Variants in SNTB2 observed in about 807,000 individuals in gnomAD.
The protein encoded by SNTB2 is syntrophin beta 2.
A neutral mutation model predicts 46.2 loss-of-function variants in SNTB2; 34 were observed. The observed-to-expected ratio is 0.74, with a 90% confidence interval of 0.56 to 0.98. The LOEUF is 0.98. SNTB2 is among the 50% of genes least tolerant of loss of function. SNTB2 has a pLI of 0.00. For missense variants in SNTB2, 603 were observed against 731.4 expected, an observed-to-expected ratio of 0.82 and a Z score of 2.02; for synonymous variants, 290 against 312.6, an observed-to-expected ratio of 0.93 and a Z score of 0.76.
intron 1 of SNTB2, among the ~76,000 whole-genome samples, chr16:69,216,171 T>C (rs989400008): frequency 3.3e-5 from 5 of 152,326 alleles, no homozygotes; most frequent in Admixed American, 2.0e-4. Context: ...ATTTTGTTAA[T>C]TCATTCAGTA....
chr16:69,268,563 T>A (rs567073885), intron 3 of SNTB2, among the ~76,000 whole-genome samples: 3 of 152,248 alleles, frequency 2.0e-5, no homozygotes, highest in African/African-American at 4.8e-5. Context: ...ATACAATTTT[T>A]AAAAAATACA....
chr16:69,235,694 C>T, intron 1 of SNTB2: 10 of 1,272,088 alleles, frequency 7.9e-6, no homozygotes, highest in Non-Finnish European at 1.0e-5. Flanking sequence ...CTTCAAACTG[C>T]TGTATCCCCA....
At chr16:69,297,758 A>G (rs913867930) in intron 5 of SNTB2, among the ~76,000 whole-genome samples, 1 of 151,766 alleles carries the variant, frequency 6.6e-6, no homozygotes. Context: ...CTAAAAATGC[A>G]AAAAAATTAG....
chr16:69,259,920 C>G (rs1567409201), intron 2 of SNTB2, 130 bp from the exon 3 acceptor site: 2 of 782,252 alleles, frequency 2.6e-6, no homozygotes, highest in East Asian at 4.9e-5. Context: ...AAGAAAGTAT[C>G]TTTATTTGAG....
chr16:69,288,664 A>G lies in SNTB2; in HGVS notation c.1345+4420A>G, dbSNP rs542111146. Among the ~76,000 whole-genome samples the G allele has an allele frequency of 7.2e-5, 11 of 152,342 alleles. No homozygotes were observed. The South Asian group carries it at 1.9e-3, about 26-fold the overall frequency. ...AAAAAGCTAAAAATAGAACTACTGT[A>G]TGATCTAGCAATCCTACTATTGAGT... On this transcript the variant is annotated intron_variant, in intron 5 of 6. Coordinates refer to ENST00000336278, the MANE Select transcript of SNTB2 (RefSeq NM_006750.4).
intron 1 of SNTB2, among the ~76,000 whole-genome samples, chr16:69,216,689 C>G (rs182135251): frequency 6.6e-6 from 1 of 151,712 alleles, no homozygotes; most frequent in African/African-American, 2.4e-5. Flanking sequence ...CCCTGCCCCC[C>G]CCCCAAAAAA....
intron 1 of SNTB2, among the ~76,000 whole-genome samples, chr16:69,190,527 C>G (rs1010932331): frequency 6.6e-6 from 1 of 152,114 alleles, no homozygotes; most frequent in Admixed American, 6.6e-5. Flanking sequence ...TAAATAAGTA[C>G]AGCAGAGGGC....
chr16:69,266,797 A>G (rs781523046), intron 3 of SNTB2, among the ~76,000 whole-genome samples: 17 of 152,070 alleles, frequency 1.1e-4, no homozygotes, highest in Middle Eastern at 3.2e-3. Context: ...GCTCACTGCA[A>G]CTTCCACCTT....
At chr16:69,250,041 G>A (rs1964710743) in intron 2 of SNTB2, among the ~76,000 whole-genome samples, 1 of 152,100 alleles carries the variant, frequency 6.6e-6, no homozygotes, top group Admixed American at 6.5e-5. Flanking sequence ...GGAGGTTGCA[G>A]TGAGCTGAGA....
chr16:69,235,906 T>C lies in SNTB2; in HGVS notation c.581-9696T>C, dbSNP rs555436416. On this transcript the variant is annotated intron_variant, in intron 1 of 6. Transcript: ENST00000336278. The stretch of plus-strand genomic sequence containing the variant: ...TGTGTGGATGCAGTCCCATTAGATA[T>C]ATATAGAATTACTGGTTTATCTGTG... 7 of 1,226,468 alleles carry C rather than the reference T, an allele frequency of 5.7e-6. No homozygotes were observed. In the African/African-American group the frequency reaches 9.4e-5, roughly 16 times the overall value. 76.0% of individuals were successfully genotyped at this position (1,226,468 alleles called of 1,614,324 possible).
chr16:69,225,494 A>G (rs1329001244), intron 1 of SNTB2, among the ~76,000 whole-genome samples: 1 of 152,218 alleles, frequency 6.6e-6, no homozygotes, highest in Non-Finnish European at 1.5e-5. Context: ...TAGTGGAAAA[A>G]CATTAGTAAG....
In SNTB2 at chr16:69,187,181, G is replaced by T; in HGVS notation, c.15G>T (p.Ala5=). 3 of 1,375,126 alleles carry T rather than the reference G, an allele frequency of 2.2e-6. No individual in the cohort carries two copies. Among genetic ancestry groups the T allele is most frequent in the Non-Finnish European group, 2.8e-6 (3 of 1,061,900 alleles). The allele number at this position is 1,375,126 out of a possible 1,614,324, so 85.2% of individuals were successfully genotyped here. MRVA[A]ATAAAGAGPA... is the part of the protein sequence containing the mutation. ...GCCTGACTGGAATGAGGGTAGCTGC[G>T]GCGACTGCGGCGGCTGGAGCGGGGC... The change falls in exon 1 of 7, where the codon GCG becomes GCT. Residue 5 remains alanine, a synonymous_variant. Coordinates refer to ENST00000336278, the MANE Select transcript of SNTB2 (RefSeq NM_006750.4).
intron 4 of SNTB2, among the ~76,000 whole-genome samples, chr16:69,281,512 T>A (rs1409998655): frequency 2.0e-5 from 3 of 151,530 alleles, no homozygotes; most frequent in African/African-American, 2.4e-5. Context: ...TTTTTTTTTT[T>A]ACATATGGAT....
chr16:69,251,432 T>C (rs553667883), intron 2 of SNTB2, among the ~76,000 whole-genome samples: 1 of 143,244 alleles, frequency 7.0e-6, no homozygotes, highest in Non-Finnish European at 1.5e-5. Flanking sequence ...GGTAAATTTG[T>C]AGGAGTGGAA....
intron 1 of SNTB2, among the ~76,000 whole-genome samples, chr16:69,234,248 G>A (rs922625512): frequency 3.3e-5 from 5 of 152,114 alleles, no homozygotes; most frequent in Middle Eastern, 3.2e-3. Flanking sequence ...TGGGAGGATC[G>A]CTTAAGCCTG....
At chr16:69,291,901 C>T (rs990434720) in intron 5 of SNTB2, among the ~76,000 whole-genome samples, 9 of 151,556 alleles carry the variant, frequency 5.9e-5, no homozygotes, top group East Asian at 2.0e-4. Context: ...CCAGCCTGGG[C>T]GACAGAGTAA....
At position 69,199,379 on chromosome 16, in the gene SNTB2, C is replaced by T. The variant is rs554939769; in HGVS notation, c.580+11633C>T. ...GCAGATAAATCGGCTTTTGCTCTTCCACCTTTCATTTTAACTAGCAGCTAA... is the reference window on the plus strand; with the variant it reads ...GCAGATAAATCGGCTTTTGCTCTTCTACCTTTCATTTTAACTAGCAGCTAA... On this transcript the variant is annotated intron_variant, in intron 1 of 6. Transcript: ENST00000336278. Among the ~76,000 whole-genome samples, 12 of 152,034 alleles carry T rather than the reference C, an allele frequency of 7.9e-5. No individual in the cohort carries two copies. The South Asian group carries it at 2.3e-3, about 29-fold the overall frequency.
At chr16:69,283,991 GA>G in intron 4 of SNTB2, 56 bp from the exon 5 acceptor site, 4 of 1,462,374 alleles carry the variant, frequency 2.7e-6, no homozygotes, top group Non-Finnish European at 3.7e-6. Context: ...ACAAATTCCT[GA>G]CATTTTTGTC....
At chr16:69,237,217 G>A (rs1427061838) in intron 1 of SNTB2, among the ~76,000 whole-genome samples, 1 of 151,976 alleles carries the variant, frequency 6.6e-6, no homozygotes, top group Non-Finnish European at 1.5e-5. Flanking sequence ...AGAGCCTTAG[G>A]AAACACCTGG....
Sources: allele counts gnomAD v4.1 joint callset (sites outside exome capture counted in the v4.1 genomes callset), GRCh38; gene constraint gnomAD v4.1.1; transcripts MANE v1.5; gene names NCBI Gene and HGNC (gene_info 2026-07-23, HGNC 2026-07-21).